EPC1: variants seen among roughly 807,000 people sequenced by gnomAD.
The protein encoded by EPC1 is enhancer of polycomb homolog 1.
Under a neutral mutation model 98.4 loss-of-function variants are expected in EPC1, and 12 were observed. The ratio of observed to expected loss-of-function variants is 0.12; its 90% CI spans 0.08 to 0.20. The LOEUF (loss-of-function observed/expected upper bound fraction) is 0.20. Ranked by LOEUF, EPC1 falls within the 10% of genes least tolerant of loss-of-function variation. The pLI is 1.00. For missense variants in EPC1, 729 were observed against 990.5 expected, an observed-to-expected ratio of 0.74 and a Z score of 3.54; for synonymous variants, 357 against 363.9, an observed-to-expected ratio of 0.98 and a Z score of 0.21.
intron 1 of EPC1, chr10:32,377,279 C>G (rs1015437977): frequency 2.0e-5 from 3 of 152,178 alleles, no homozygotes; most frequent in African/African-American, 7.2e-5. Context: ...TTAGAAAAAC[C>G]TCAGGAGAAA....
intron 6 of EPC1, 56 bp from the exon 7 acceptor site, chr10:32,287,330 A>G: frequency 1.9e-6 from 3 of 1,582,092 alleles, no homozygotes; most frequent in Non-Finnish European, 2.6e-6. Flanking sequence ...ACAAATTTGC[A>G]GTTTTGGGGG....
intron 6 of EPC1, among the ~76,000 whole-genome samples, chr10:32,288,118 T>C (rs188719612): frequency 6.6e-5 from 10 of 152,178 alleles, no homozygotes; most frequent in African/African-American, 2.2e-4. Flanking sequence ...ATGTAGTTTA[T>C]GACATTATGG....
intron 10 of EPC1, among the ~76,000 whole-genome samples, chr10:32,274,304 T>C (rs979408047): frequency 6.6e-6 from 1 of 152,188 alleles, no homozygotes; most frequent in Admixed American, 6.5e-5. Context: ...TAAAGTTTAA[T>C]GTTTTCAAAA....
At chr10:32,278,371 G>GTTTTTTTT (rs58729377) in intron 10 of EPC1, among the ~76,000 whole-genome samples, 14 of 102,598 alleles carry the variant, frequency 1.4e-4, no homozygotes, top group Non-Finnish European at 2.1e-4. Flanking sequence ...GTTTTTTTTT[G>GTTTTTTTT]TTTTTTTTTT....
chr10:32,306,346 AG>A (rs1835875721), intron 1 of EPC1, among the ~76,000 whole-genome samples: 1 of 152,254 alleles, frequency 6.6e-6, no homozygotes, highest in African/African-American at 2.4e-5. Context: ...TAAATTTAGA[AG>A]GTATTTGAAT....
intron 10 of EPC1, among the ~76,000 whole-genome samples, chr10:32,275,084 T>C (rs1338382710): frequency 1.3e-5 from 2 of 152,214 alleles, no homozygotes; most frequent in African/African-American, 4.8e-5. Context: ...ATCACATATA[T>C]AGAAAAACAA....
rs1203165672 is a variant in EPC1 at position 32,272,180 on chromosome 10, T to C, written c.1864-13A>G. On this transcript the variant is annotated splice_polypyrimidine_tract_variant and intron_variant, in intron 11 of 13. Transcript: ENST00000319778. ...TAGAAACAAAACCCTAAAAAGAAAA[T>C]ACAAAAGAAATCTAATCAGTATCAC... The C allele has an allele frequency of 2.5e-6, 4 of 1,596,528 alleles. No individual in the cohort carries two copies. The highest frequency in any genetic ancestry group is 2.2e-5 in the East Asian group (1 of 44,626).
At chr10:32,281,305 A>T (rs867834555) in intron 10 of EPC1, among the ~76,000 whole-genome samples, 2 of 152,086 alleles carry the variant, frequency 1.3e-5, no homozygotes, top group Non-Finnish European at 2.9e-5. Flanking sequence ...CGGCCTCCCA[A>T]AGTGCTGGGA....
intron 5 of EPC1, 39 bp downstream of exon 5, chr10:32,292,457 G>A (rs1459492712): frequency 7.1e-7 from 1 of 1,418,308 alleles, no homozygotes; most frequent in East Asian, 2.4e-5. Context: ...AATGTTAATG[G>A]CACTATACTT....
intron 10 of EPC1, 184 bp downstream of exon 10, chr10:32,284,514 C>A (rs964889018): frequency 1.8e-5 from 9 of 505,902 alleles, no homozygotes; most frequent in African/African-American, 1.5e-4. Context: ...TAAATGAAGA[C>A]ACACACATAC....
chr10:32,276,560 G>A (rs1836108642), intron 10 of EPC1, among the ~76,000 whole-genome samples: 1 of 152,118 alleles, frequency 6.6e-6, no homozygotes, highest in Non-Finnish European at 1.5e-5. Flanking sequence ...TAAATTAGGT[G>A]ATCATTAAGG....
At position 32,286,839 on chromosome 10, in the gene EPC1, G is replaced by A. The variant is rs1836710540; in HGVS notation, c.1246C>T (p.His416Tyr). 1 of 1,608,944 alleles carries A rather than the reference G, an allele frequency of 6.2e-7. No homozygotes were observed. Among genetic ancestry groups the A allele is most frequent in the Non-Finnish European group, 8.5e-7 (1 of 1,178,666 alleles). Reference protein sequence around the residue: ...RKAGCQYYAPHLDQTGNWPWT... With the variant: ...RKAGCQYYAPYLDQTGNWPWT... The stretch of plus-strand genomic sequence containing the variant: ...GGCCAGTTGCCAGTTTGGTCTAAGT[G>A]AGGCTTAAAAAAAAAAATCCAAATT... Residue 416 changes from histidine (H) to tyrosine (Y), a missense_variant, in exon 9 of 14, where the codon CAC becomes TAC. Physicochemically the swap from His to Tyr is moderately conservative, Grantham distance 83 (BLOSUM62 2). This residue lies in a region of EPC1 where 390 missense variants were observed against 438.6 expected (regional missense o/e 0.89). Transcript: ENST00000319778.
At chr10:32,322,684 T>C (rs903890737) in intron 1 of EPC1, among the ~76,000 whole-genome samples, 1 of 152,248 alleles carries the variant, frequency 6.6e-6, no homozygotes, top group African/African-American at 2.4e-5. Context: ...CATTTGTGCA[T>C]GTTTAAGATG....
Position 32,364,303 on chromosome 10 carries a change from G to A in EPC1, c.3+14188C>T, listed in dbSNP as rs187407436. On this transcript the variant is annotated intron_variant, in intron 1 of 13. Coordinates refer to the EPC1 transcript ENST00000375110. ...CCCGCCTCAGCCTCCCAAAGTGCTGGGCTTACAGGCATGAGCTATTGTGCC... is the reference window on the plus strand; with the variant it reads ...CCCGCCTCAGCCTCCCAAAGTGCTGAGCTTACAGGCATGAGCTATTGTGCC... Among the ~76,000 whole-genome samples the A allele has an allele frequency of 2.0e-3, 305 of 151,982 alleles. 2 individuals are homozygous for A. Among genetic ancestry groups the A allele is most frequent in the African/African-American group, 6.4e-3 (266 of 41,438 alleles).
At chr10:32,342,582 G>A (rs1838433253) in intron 1 of EPC1, among the ~76,000 whole-genome samples, 1 of 152,162 alleles carries the variant, frequency 6.6e-6, no homozygotes, top group African/African-American at 2.4e-5. Flanking sequence ...CCAAGGTGCT[G>A]GATTATGGTG....
intron 10 of EPC1, chr10:32,281,781 T>C (rs1422778102): frequency 6.6e-6 from 1 of 152,118 alleles, no homozygotes; most frequent in African/African-American, 2.4e-5. Flanking sequence ...CCATTCTCCC[T>C]GCCTCAGCTT....
At chr10:32,369,681 AT>A (rs1839695322) in intron 1 of EPC1, among the ~76,000 whole-genome samples, 1 of 152,244 alleles carries the variant, frequency 6.6e-6, no homozygotes, top group Non-Finnish European at 1.5e-5. Flanking sequence ...TAATTGCACT[AT>A]TTAAGAACAC....
In EPC1 at chr10:32,327,737, C is replaced by A. The variant is rs139139977; in HGVS notation, c.153+19026G>T. Among the ~76,000 whole-genome samples the A allele has an allele frequency of 3.4e-4, 51 of 152,200 alleles. No homozygotes were observed. The East Asian group carries it at 9.7e-3, about 29-fold the overall frequency. ...CTAACCTGTATCGTATGTTACTGTA[C>A]TGATTACTGTAGGGAGTTGTAACAC... On this transcript the variant is annotated intron_variant, in intron 1 of 13. Transcript: ENST00000319778.
upstream of EPC1, among the ~76,000 whole-genome samples, chr10:32,349,416 C>T (rs1839046228): frequency 6.6e-6 from 1 of 152,172 alleles, no homozygotes; most frequent in Admixed American, 6.5e-5. Flanking sequence ...TACAGATTCA[C>T]TTGCCTTTTG....
Sources: gnomAD v4.1 joint callset for allele counts (sites outside exome capture counted in the v4.1 genomes callset) on GRCh38, gnomAD v4.1.1 for gene constraint, gnomAD v4.1.1 regional missense constraint, MANE v1.5 for transcripts, NCBI Gene and HGNC (gene_info 2026-07-23, HGNC 2026-07-21) for gene names.